The following RBFOX1 variants were observed in gnomAD, a reference collection of about 807,000 sequenced individuals.
RBFOX1 encodes the protein RNA binding protein fox-1 homolog 1.
RBFOX1 carries 8 observed loss-of-function variants against 57.7 expected under a neutral mutation model. The observed-to-expected ratio is 0.14, with a 90% CI of 0.08 to 0.25. The LOEUF is 0.25. RBFOX1 is among the 10% of genes least tolerant of loss of function. The probability of loss-of-function intolerance (pLI) is 1.00; values close to 1 mark genes in which losing one functional copy is unlikely to be tolerated. For missense variants in RBFOX1, 611 were observed against 548.5 expected, an observed-to-expected ratio of 1.11 and a Z score of -1.14; for synonymous variants, 326 against 222.4, an observed-to-expected ratio of 1.47 and a Z score of -4.15.
intron 2 of RBFOX1, among the ~76,000 whole-genome samples, chr16:6,543,718 G>C (rs1284871297): frequency 6.6e-6 from 1 of 151,986 alleles, no homozygotes; most frequent in African/African-American, 2.4e-5. Flanking sequence ...GTCTTTCCCC[G>C]AGGTTCACAC....
intron 3 of RBFOX1, among the ~76,000 whole-genome samples, chr16:6,854,587 ATTTTTTT>A (rs71147611): frequency 8.5e-5 from 6 of 70,650 alleles, no homozygotes; most frequent in Admixed American, 7.9e-4. Context: ...GGAGAGGTGA[ATTTTTTT>A]TTTTTTTTTT....
At chr16:5,766,828 C>T (rs1022681636) in intron 3 of RBFOX1, among the ~76,000 whole-genome samples, 13 of 152,196 alleles carry the variant, frequency 8.5e-5, no homozygotes, top group Admixed American at 4.6e-4. Context: ...CTCTCTATCC[C>T]TCCCCACCAA....
In RBFOX1 at chr16:7,246,374, A is replaced by G. The variant is rs112771669; in HGVS notation, c.27+194276A>G. On this transcript the variant is annotated intron_variant, in intron 4 of 15. Transcript: ENST00000550418. Reference sequence around the variant, plus strand: ...CCCCCACAGCAAAGCAGCCATGGAGATTGTTCTGAAGTGATAACCCGAATG... The same window carrying G: ...CCCCCACAGCAAAGCAGCCATGGAGGTTGTTCTGAAGTGATAACCCGAATG... Among the ~76,000 whole-genome samples the G allele has an allele frequency of 3.4e-3, 515 of 152,124 alleles. 5 individuals are homozygous for G. The highest frequency in any genetic ancestry group is 0.012 in the African/African-American group (490 of 41,508).
intron 4 of RBFOX1, among the ~76,000 whole-genome samples, chr16:7,415,625 G>T (rs1438763760): frequency 6.6e-6 from 1 of 152,078 alleles, no homozygotes; most frequent in Non-Finnish European, 1.5e-5. Flanking sequence ...AACACAGTAG[G>T]TTCCCAGCAT....
At chr16:6,264,876 A>G (rs2097723582) in intron 1 of RBFOX1, among the ~76,000 whole-genome samples, 1 of 152,184 alleles carries the variant, frequency 6.6e-6, no homozygotes, top group Admixed American at 6.5e-5. Context: ...TCCATGGCAT[A>G]TGACCTAACA....
intron 4 of RBFOX1, among the ~76,000 whole-genome samples, chr16:7,265,338 A>T (rs919783034): frequency 6.6e-6 from 1 of 152,080 alleles, no homozygotes; most frequent in Non-Finnish European, 1.5e-5. Context: ...CTTGGCAGAG[A>T]GAAAGAGAGA....
chr16:6,898,294 C>A (rs974267497), intron 3 of RBFOX1, among the ~76,000 whole-genome samples: 2 of 152,244 alleles, frequency 1.3e-5, no homozygotes, highest in Admixed American at 6.5e-5. Context: ...GACCCCTGCC[C>A]CTCCACGACC....
At chr16:7,032,482 T>G (rs560298643) in intron 3 of RBFOX1, among the ~76,000 whole-genome samples, 5 of 151,968 alleles carry the variant, frequency 3.3e-5, no homozygotes, top group Admixed American at 6.6e-5. Context: ...AAAAATCCCA[T>G]CTTAATTTTT....
chr16:6,523,524 GC>G (rs1405592773), intron 2 of RBFOX1, among the ~76,000 whole-genome samples: 2 of 152,138 alleles, frequency 1.3e-5, no homozygotes, highest in East Asian at 3.9e-4. Flanking sequence ...ATCACCCTAT[GC>G]TAACTGGATG....
At chr16:5,327,188 G>A (rs1386021747) in intron 1 of RBFOX1, among the ~76,000 whole-genome samples, 1 of 152,156 alleles carries the variant, frequency 6.6e-6, no homozygotes, top group East Asian at 1.9e-4. Context: ...CAAAAATTTG[G>A]TGTGTAGATC....
chr16:5,454,859 T>C (rs573789237), intron 1 of RBFOX1, among the ~76,000 whole-genome samples: 1 of 13,706 alleles, frequency 7.3e-5, no homozygotes, highest in East Asian at 2.6e-3. Flanking sequence ...CTTTCTTTTC[T>C]TTCTTTCTTT....
At chr16:6,956,691 C>A (rs1598342221) in intron 3 of RBFOX1, among the ~76,000 whole-genome samples, 4 of 152,170 alleles carry the variant, frequency 2.6e-5, no homozygotes, top group African/African-American at 9.7e-5. Context: ...ATATCAAAGG[C>A]ATTTGCTCTG....
At chr16:7,069,410 G>A (rs995223378) in intron 4 of RBFOX1, among the ~76,000 whole-genome samples, 5 of 152,040 alleles carry the variant, frequency 3.3e-5, no homozygotes, top group African/African-American at 7.2e-5. Context: ...CTGTGTGTTC[G>A]TTGTTCAGCT....
At chr16:5,552,953 A>G (rs34788411) in intron 2 of RBFOX1, among the ~76,000 whole-genome samples, 58,264 of 151,970 alleles carry the variant, frequency 0.38, 11,496 homozygotes, top group Non-Finnish European at 0.42. Context: ...CTATGCAGCC[A>G]TAAAAAGGAT....
chr16:6,224,187 T>C (rs1037029473), intron 1 of RBFOX1, among the ~76,000 whole-genome samples: 14 of 150,622 alleles, frequency 9.3e-5, no homozygotes, highest in Non-Finnish European at 1.5e-4. Flanking sequence ...TGATGAGGGC[T>C]CTTTTTTGGT....
intron 4 of RBFOX1, among the ~76,000 whole-genome samples, chr16:7,347,356 G>C (rs1396515084): frequency 6.6e-6 from 1 of 152,158 alleles, no homozygotes; most frequent in South Asian, 2.1e-4. Context: ...ATGGATGACA[G>C]CAGGCAAAGA....
intron 2 of RBFOX1, among the ~76,000 whole-genome samples, chr16:5,471,975 G>A (rs1007096130): frequency 1.3e-5 from 2 of 152,122 alleles, no homozygotes; most frequent in African/African-American, 2.4e-5. Flanking sequence ...TCACCTCCCC[G>A]ACAGATGAAA....
At chr16:6,099,993 G>A (rs2152553332) in intron 1 of RBFOX1, among the ~76,000 whole-genome samples, 1 of 152,310 alleles carries the variant, frequency 6.6e-6, no homozygotes, top group Non-Finnish European at 1.5e-5. Context: ...GCCATCTCTA[G>A]ATAAAACAAG....
intron 3 of RBFOX1, among the ~76,000 whole-genome samples, chr16:6,953,112 C>T (rs182675257): frequency 0.014 from 2,060 of 152,216 alleles, 56 homozygotes; most frequent in African/African-American, 0.047. Flanking sequence ...TGAAGGTCTG[C>T]GACTGAGTAG....
Sources: allele counts gnomAD v4.1 joint callset (sites outside exome capture counted in the v4.1 genomes callset), GRCh38; gene constraint gnomAD v4.1.1; transcripts MANE v1.5; gene names NCBI Gene and HGNC (gene_info 2026-07-23, HGNC 2026-07-21).